ZNF711: variants seen among roughly 807,000 people sequenced by gnomAD.
The protein encoded by ZNF711 is zinc finger protein 711.
ZNF711 carries 3 observed loss-of-function variants against 43.5 expected under a neutral mutation model. The ratio of observed to expected loss-of-function variants is 0.07; its 90% CI spans 0.03 to 0.18. ZNF711 has a LOEUF of 0.18. ZNF711 is among the 10% of genes least tolerant of loss of function. The pLI, the probability that ZNF711 is intolerant of heterozygous loss-of-function variation, is 1.00. For missense variants in ZNF711, 412 were observed against 604.0 expected (o/e 0.68, Z 3.33); for synonymous variants, 209 against 207.7 (o/e 1.01, Z -0.06).
intron 5 of ZNF711, among the ~76,000 whole-genome samples, chrX:85,264,036 A>G (rs894870405): frequency 3.6e-5 from 4 of 110,422 alleles, no homozygotes; most frequent in East Asian, 2.8e-4. Flanking sequence ...TAAATTTTCA[A>G]ACCTCATAAT....
intron 5 of ZNF711, among the ~76,000 whole-genome samples, chrX:85,256,203 T>C (rs1428155342): frequency 9.3e-6 from 1 of 107,425 alleles, no homozygotes; most frequent in Non-Finnish European, 1.9e-5. Flanking sequence ...AAGCAGAATA[T>C]GTTAAGAAAT....
At chrX:85,263,249 A>G (rs1259678057) in intron 5 of ZNF711, among the ~76,000 whole-genome samples, 1 of 111,038 alleles carries the variant, frequency 9.0e-6, no homozygotes, top group Non-Finnish European at 1.9e-5. Context: ...GTGAACTTAA[A>G]TGTTATCCTA....
At position 85,252,427 on chromosome X, in the gene ZNF711, A is replaced by G. The variant is rs865950284; in HGVS notation, c.80-2832A>G. Among the ~76,000 whole-genome samples the G allele has an allele frequency of 7.2e-5, 8 of 111,439 alleles. No individual in the cohort carries two copies. The South Asian group carries it at 1.5e-3, about 21-fold the overall frequency. ...ACCCTTCTTTCCTTCCCTATGGTCTACTTTCAAGAACCAGACTAATCTTCA... is the reference window on the plus strand; with the variant it reads ...ACCCTTCTTTCCTTCCCTATGGTCTGCTTTCAAGAACCAGACTAATCTTCA... On this transcript the variant is annotated intron_variant, in intron 4 of 10. Transcript: ENST00000674551.
In ZNF711 at chrX:85,271,675, C is replaced by T. The variant is rs1423653493; in HGVS notation, c.2271C>T (p.Tyr757=). ...RKIYQCEYCE[Y]STTDASGFKR... ...TTTACCAATGTGAGTATTGTGAATA[C>T]AGCACTACAGATGCATCTGGCTTTA... Residue 757 remains tyrosine, a synonymous_variant, in exon 11 of 11, where the codon TAC becomes TAT. Transcript: ENST00000674551. The T allele has an allele frequency of 1.3e-5, 16 of 1,209,905 alleles. No homozygotes were observed. Among genetic ancestry groups the T allele is most frequent in the Non-Finnish European group, 1.8e-5 (16 of 894,486 alleles).
At position 85,259,080 on chromosome X, in the gene ZNF711, G is replaced by C. The variant is rs144905034; in HGVS notation, c.622+3279G>C. Among the ~76,000 whole-genome samples the C allele has an allele frequency of 4.1e-3, 450 of 110,968 alleles. 5 individuals are homozygous for C. Among genetic ancestry groups the C allele is most frequent in the African/African-American group, 0.014 (420 of 30,660 alleles). ...CTTTGGTCCATCTTGGCTAAATTTT[G>C]TATGGTGAAACATAGGGGTCCAGTT... On this transcript the variant is annotated intron_variant, in intron 5 of 10. Transcript: ENST00000674551.
chrX:85,269,610 C>T (rs1333685070), intron 9 of ZNF711, among the ~76,000 whole-genome samples: 3 of 110,471 alleles, frequency 2.7e-5, no homozygotes, highest in Non-Finnish European at 5.7e-5. Context: ...CTCCTGACCT[C>T]AAGCAGTCCT....
At chrX:85,267,209 T>C (rs1288225550) in intron 7 of ZNF711, 69 bp from the exon 8 acceptor site, 2 of 839,470 alleles carry the variant, frequency 2.4e-6, no homozygotes, top group African/African-American at 2.1e-5. Context: ...AAGATTTACA[T>C]TGTTTGGAAT....
chrX:85,244,148 AGCGGCGGCG>A lies in ZNF711; in HGVS notation c.-446_-438del. 7.4e-6 allele frequency: 1 copy of A among 134,649 alleles called. No individual in the cohort carries two copies. The highest frequency in any genetic ancestry group is 1.3e-5 in the Non-Finnish European group (1 of 74,309). 11.1% of individuals were successfully genotyped at this position (134,649 alleles called of 1,213,427 possible). Reference sequence around the variant, plus strand: ...AGGCGGCGGCGGCGGCGGCGGCGGCAGCGGCGGCGGCAGCGGCGGCGGCAGCTGTAGCTG... The same window carrying A: ...AGGCGGCGGCGGCGGCGGCGGCGGCAGCAGCGGCGGCGGCAGCTGTAGCTG... On this transcript the variant is annotated 5_prime_UTR_variant, in exon 1 of 11. Transcript: ENST00000674551.
chrX:85,252,199 C>T (rs867812155), intron 4 of ZNF711, among the ~76,000 whole-genome samples: 1 of 112,180 alleles, frequency 8.9e-6, no homozygotes, highest in Middle Eastern at 4.7e-3. Flanking sequence ...CTTACCAATT[C>T]TTGGTCTAGG....
intron 8 of ZNF711, among the ~76,000 whole-genome samples, 180 bp from the exon 9 acceptor site, chrX:85,268,114 C>T (rs1460583738): frequency 8.2e-5 from 9 of 110,320 alleles, no homozygotes; most frequent in Admixed American, 7.8e-4. Flanking sequence ...AACAGCAGCC[C>T]TTATTTTCAG....
intron 5 of ZNF711, among the ~76,000 whole-genome samples, chrX:85,259,886 C>T (rs1930490043): frequency 9.0e-6 from 1 of 111,363 alleles, no homozygotes; most frequent in African/African-American, 3.3e-5. Flanking sequence ...ATTTCTTTCT[C>T]TTGCCTGATT....
At chrX:85,264,205 A>C (rs1357380994) in intron 5 of ZNF711, 70 bp from the exon 6 acceptor site, 1 of 934,556 alleles carries the variant, frequency 1.1e-6, no homozygotes, top group Non-Finnish European at 1.5e-6. Flanking sequence ...AATAGTGGTA[A>C]TTTTTCTTGT....
intron 5 of ZNF711, among the ~76,000 whole-genome samples, chrX:85,259,136 C>T (rs772787317): frequency 9.0e-6 from 1 of 111,311 alleles, no homozygotes; most frequent in Non-Finnish European, 1.9e-5. Context: ...TCCCAGCTAT[C>T]CCAGCACCAT....
At chrX:85,270,234 G>A (rs1053762090) in intron 10 of ZNF711, 88 bp downstream of exon 10, 3 of 1,002,471 alleles carry the variant, frequency 3.0e-6, no homozygotes, top group Non-Finnish European at 4.1e-6. Flanking sequence ...GGTTTACTTG[G>A]CAGTTCTACT....
In ZNF711 at chrX:85,267,363, G is replaced by T. The variant is rs1931175047; in HGVS notation, c.1002G>T (p.Glu334Asp). 8.8e-7 allele frequency: 1 copy of T among 1,142,412 alleles called. No individual in the cohort carries two copies. The highest frequency in any genetic ancestry group is 1.8e-5 in the African/African-American group (1 of 54,814). 94.1% of individuals were successfully genotyped at this position (1,142,412 alleles called of 1,213,427 possible). A position where few individuals can be genotyped will look rare whatever the true frequency, so the allele number is the denominator to read the frequency against. The change falls in exon 8 of 11, where the codon GAG (glutamate) becomes GAT (aspartate). Residue 334 changes from glutamate to aspartate, a missense_variant. Physicochemically the swap from Glu to Asp is conservative, Grantham distance 45 (BLOSUM62 2). This residue lies in a region of ZNF711 where 375 missense variants were observed against 514.2 expected (regional missense o/e 0.73). Transcript: ENST00000674551. ...EGTSLPEIQL[E>D]DSDVNKTVVP... ...CTTCTCTCCCTGAGATTCAGCTTGAGGACTCTGATGTTAATAAAACAGTTG... is the reference window on the plus strand; with the variant it reads ...CTTCTCTCCCTGAGATTCAGCTTGATGACTCTGATGTTAATAAAACAGTTG...
rs756753980 is a variant in ZNF711, at chrX:85,270,087, A to G, written c.1187A>G (p.Lys396Arg). ...LQICDGINTNKVLKQKAKKRR... is the reference protein window; with the variant it reads ...LQICDGINTNRVLKQKAKKRR... ...ATTTGTGACGGCATTAATACAAATA[A>G]AGTACTTAAACAAAAAGCCAAAAAG... Residue 396 changes from lysine (K) to arginine (R), a missense_variant, in exon 10 of 11, where the codon AAA becomes AGA. By Grantham distance (26) the Lys-to-Arg change is conservative (BLOSUM62 2). Transcript: ENST00000674551. 1.1e-5 allele frequency: 13 copies of G among 1,208,514 alleles called. No homozygotes were observed. Among genetic ancestry groups the G allele is most frequent in the Non-Finnish European group, 1.5e-5 (13 of 894,291 alleles).
At chrX:85,255,936 C>A in intron 5 of ZNF711, 135 bp downstream of exon 5, 1 of 558,595 alleles carries the variant, frequency 1.8e-6, no homozygotes, top group Non-Finnish European at 2.7e-6. Flanking sequence ...GAAGCAGTGT[C>A]ATTAAGATGC....
At chrX:85,255,237 T>C (rs758167638) in intron 4 of ZNF711, 22 bp from the exon 5 acceptor site, 2 of 1,196,785 alleles carry the variant, frequency 1.7e-6, no homozygotes, top group South Asian at 1.8e-5. Flanking sequence ...TTACCTTTTT[T>C]GGATAATTGT....
chrX:85,269,971 T>A (rs769775743), intron 9 of ZNF711, 32 bp from the exon 10 acceptor site: 1 of 1,203,282 alleles, frequency 8.3e-7, no homozygotes, highest in Admixed American at 2.2e-5. Flanking sequence ...TAAATGTATG[T>A]GATTTAATGA....
Sources: gnomAD v4.1 joint callset for allele counts (sites outside exome capture counted in the v4.1 genomes callset) on GRCh38, gnomAD v4.1.1 for gene constraint, gnomAD v4.1.1 regional missense constraint, MANE v1.5 for transcripts, NCBI Gene and HGNC (gene_info 2026-07-23, HGNC 2026-07-21) for gene names.